Variants in CDH23 observed in about 807,000 individuals in gnomAD.
The protein encoded by CDH23 is cadherin related 23, also known as cadherin-23.
Under a neutral mutation model 317.1 loss-of-function variants are expected in CDH23, and 189 were observed. The ratio of observed to expected loss-of-function variants is 0.60; its 90% CI spans 0.53 to 0.67. The LOEUF (loss-of-function observed/expected upper bound fraction) is 0.67, where lower values mean the gene tolerates loss of function less well. Among genes scored for constraint, CDH23 ranks in the 30% least tolerant of loss-of-function variants. The pLI, the probability that CDH23 is intolerant of heterozygous loss-of-function variation, is 0.00. For synonymous variants in CDH23, 1,839 were observed against 1,876.8 expected (o/e 0.98, Z 0.52); for missense variants, 4,401 against 4,592.4 (o/e 0.96, Z 1.20).
chr10:71,810,156 T>C (rs1841874684), intron 61 of CDH23, 80 bp downstream of exon 61: 2 of 1,543,304 alleles, frequency 1.3e-6, no homozygotes, highest in African/African-American at 1.4e-5. Flanking sequence ...AGACAGGGCA[T>C]TGTGCAAAGG....
intron 61 of CDH23, 44 bp downstream of exon 61, chr10:71,810,120 G>A: frequency 6.2e-7 from 1 of 1,602,696 alleles, no homozygotes; most frequent in Non-Finnish European, 8.5e-7. Flanking sequence ...GGAGGGAGAA[G>A]GAAGGGGAGG....
rs2132940613 is a variant in CDH23 at position 71,785,733 on chromosome 10, A to C, written c.5815A>C (p.Arg1939=). ...KDNPENPRIA[R]RDYDLLLIFL... ...CAACCCGGAGAATCCACGCATAGCC[A>C]GGAGGGTGAGACTGGAGGGCACTGG... Residue 1939 remains arginine, a synonymous_variant, in exon 44 of 70, where the codon AGG becomes CGG. Transcript: ENST00000224721. 1 of 1,594,278 alleles carries C rather than the reference A, an allele frequency of 6.3e-7. No individual in the cohort carries two copies. The highest frequency in any genetic ancestry group is 8.6e-7 in the Non-Finnish European group (1 of 1,167,432).
intron 6 of CDH23, among the ~76,000 whole-genome samples, chr10:71,525,570 G>C (rs1192202979): frequency 1.3e-5 from 2 of 152,190 alleles, no homozygotes; most frequent in African/African-American, 4.8e-5. Context: ...CCCCATGGAA[G>C]CCAGTAGGGG....
chr10:71,429,723 A>G (rs1323566168), intron 1 of CDH23, among the ~76,000 whole-genome samples: 6 of 152,216 alleles, frequency 3.9e-5, no homozygotes, highest in Non-Finnish European at 8.8e-5. Context: ...ATGTGCTGAG[A>G]TGGGAAAGGC....
intron 1 of CDH23, among the ~76,000 whole-genome samples, chr10:71,431,995 G>C (rs1477519502): frequency 6.6e-6 from 1 of 152,216 alleles, no homozygotes; most frequent in African/African-American, 2.4e-5. Flanking sequence ...AGGCTTCAAC[G>C]GGCTTCCTCT....
chr10:71,591,832 C>G (rs529790947), intron 9 of CDH23, among the ~76,000 whole-genome samples: 67 of 152,120 alleles, frequency 4.4e-4, no homozygotes, highest in African/African-American at 1.5e-3. Flanking sequence ...AATGCCAGCT[C>G]TCTGTTGGAT....
intron 20 of CDH23, among the ~76,000 whole-genome samples, chr10:71,692,716 G>A (rs1865232510): frequency 6.6e-6 from 1 of 152,198 alleles, no homozygotes; most frequent in East Asian, 1.9e-4. Flanking sequence ...CAGGGTAGAA[G>A]CAGTCCTAAA....
rs1191009348 is a variant in CDH23, at chr10:71,675,141, G to A, written c.1479G>A (p.Gly493=). 6.2e-7 allele frequency: 1 copy of A among 1,613,874 alleles called. No individual in the cohort carries two copies. Among genetic ancestry groups the A allele is most frequent in the African/African-American group, 1.3e-5 (1 of 74,918 alleles). The change falls in exon 15 of 70, where the codon GGG becomes GGA. Residue 493 remains glycine, a synonymous_variant. Transcript: ENST00000224721. Reference sequence around the variant, plus strand: ...CTGACAATGATGCAGGCACCTTTGGGGAAGTCAGCTACTTCTTCAGTGATG... The same window carrying A: ...CTGACAATGATGCAGGCACCTTTGGAGAAGTCAGCTACTTCTTCAGTGATG... The part of the protein sequence containing the change: ...LATDNDAGTF[G]EVSYFFSDDP...
At position 71,510,144 on chromosome 10, in the gene CDH23, T is replaced by G. The variant is rs1853877616; in HGVS notation, c.208T>G (p.Ser70Ala). 4 of 1,613,900 alleles carry G rather than the reference T, an allele frequency of 2.5e-6. No homozygotes were observed. The highest frequency in any genetic ancestry group is 1.3e-5 in the African/African-American group (1 of 74,930). The change falls in exon 4 of 70, where the codon TCT becomes GCT. Residue 70 changes from serine (S) to alanine (A), a missense_variant. By Grantham distance (99) the Ser-to-Ala change is moderately conservative. This residue lies in a region of CDH23 where 3,068 missense variants were observed against 3,203.3 expected (regional missense o/e 0.96). Transcript: ENST00000224721. ...CAATGACCCCCTGGTGTTTGGCGTG[T>G]CTGGGGAGGAGGCCTCTCGCTTCTT... ...MDNDPLVFGV[S>A]GEEASRFFAV...
intron 3 of CDH23, among the ~76,000 whole-genome samples, chr10:71,471,475 C>T (rs1023207657): frequency 6.6e-6 from 1 of 152,136 alleles, no homozygotes; most frequent in African/African-American, 2.4e-5. Context: ...CACCCTCTGC[C>T]CCCTTTATGT....
chr10:71,745,938 A>T (rs1839844591), intron 38 of CDH23, among the ~76,000 whole-genome samples: 1 of 152,236 alleles, frequency 6.6e-6, no homozygotes, highest in Non-Finnish European at 1.5e-5. Flanking sequence ...CTCCCACTGC[A>T]GTTATCTGCC....
intron 3 of CDH23, among the ~76,000 whole-genome samples, chr10:71,458,215 G>A (rs1850794578): frequency 6.6e-6 from 1 of 152,244 alleles, no homozygotes; most frequent in African/African-American, 2.4e-5. Flanking sequence ...GTCTGGAATA[G>A]GAGATCAAGT....
chr10:71,636,726 T>G (rs1862294874), intron 11 of CDH23, among the ~76,000 whole-genome samples: 1 of 151,952 alleles, frequency 6.6e-6, no homozygotes, highest in Non-Finnish European at 1.5e-5. Context: ...GGGACATAGG[T>G]AGGAGGATGA....
In CDH23 at chr10:71,751,575, T is replaced by A; in HGVS notation, c.4845+9654T>A. ...CCCACCCCGTGAGGCCGTGGAACTCTTCAGGGAGGGCAGGGAGTGAGGCCG... is the reference window on the plus strand; with the variant it reads ...CCCACCCCGTGAGGCCGTGGAACTCATCAGGGAGGGCAGGGAGTGAGGCCG... On this transcript the variant is annotated intron_variant, in intron 38 of 69. Transcript: ENST00000224721. This position sits in a 1 kb window ranked among gnomAD's most constrained non-coding sequence, Gnocchi z 4.9. 1 of 1,423,466 alleles carries A rather than the reference T, an allele frequency of 7.0e-7. No homozygotes were observed. The highest frequency in any genetic ancestry group is 9.4e-7 in the Non-Finnish European group (1 of 1,062,602). The allele number at this position is 1,423,466 out of a possible 1,614,324, so 88.2% of individuals were successfully genotyped here.
chr10:71,547,218 G>T (rs181969231), intron 6 of CDH23, among the ~76,000 whole-genome samples: 1 of 152,218 alleles, frequency 6.6e-6, no homozygotes, highest in African/African-American at 2.4e-5. Context: ...CCAAGGACCC[G>T]ATCCAGACTG....
At chr10:71,674,418 A>G (rs1864272409) in intron 14 of CDH23, among the ~76,000 whole-genome samples, 2 of 152,216 alleles carry the variant, frequency 1.3e-5, no homozygotes, top group Admixed American at 6.5e-5. Flanking sequence ...TTAAATATAA[A>G]ACAGATGCAA....
chr10:71,476,031 C>T (rs892473824), intron 3 of CDH23, among the ~76,000 whole-genome samples: 1 of 152,172 alleles, frequency 6.6e-6, no homozygotes, highest in African/African-American at 2.4e-5. Flanking sequence ...TCATGTGGAG[C>T]CCCCACCTCC....
intron 11 of CDH23, among the ~76,000 whole-genome samples, chr10:71,641,502 T>C (rs990640080): frequency 6.6e-5 from 10 of 152,160 alleles, no homozygotes; most frequent in Admixed American, 2.6e-4. Context: ...AATAAGTCAT[T>C]GATGATTCTT....
intron 3 of CDH23, among the ~76,000 whole-genome samples, chr10:71,465,676 C>G (rs1383914178): frequency 6.6e-6 from 1 of 152,232 alleles, no homozygotes; most frequent in South Asian, 2.1e-4. Context: ...TGAAATAACT[C>G]TCCCCACAGC....
Sources: allele counts gnomAD v4.1 joint callset (sites outside exome capture counted in the v4.1 genomes callset), GRCh38; gene constraint gnomAD v4.1.1; regional missense constraint gnomAD v4.1.1; non-coding constraint Gnocchi (gnomAD v3.1); transcripts MANE v1.5; gene names NCBI Gene and HGNC (gene_info 2026-07-23, HGNC 2026-07-21).